Variants in CSMD1 observed in about 807,000 individuals in gnomAD.
CSMD1 encodes CUB and sushi domain-containing protein 1.
CSMD1 carries 213 observed loss-of-function variants against 417.5 expected under a neutral mutation model. The observed-to-expected ratio is 0.51, with a 90% CI of 0.46 to 0.57. The LOEUF (loss-of-function observed/expected upper bound fraction) is 0.57. Among genes scored for constraint, CSMD1 ranks in the 20% least tolerant of loss-of-function variants. The pLI is 0.00. For synonymous variants in CSMD1, 2,862 were observed against 1,736.8 expected (o/e 1.65, Z -16.11); for missense variants, 6,923 against 4,529.7 (o/e 1.53, Z -15.17).
At chr8:3,274,850 A>C (rs1802152728) in intron 26 of CSMD1, among the ~76,000 whole-genome samples, 1 of 152,126 alleles carries the variant, frequency 6.6e-6, no homozygotes, top group African/African-American at 2.4e-5. Context: ...TTTCCTGAAT[A>C]GTGCACACTG....
intron 1 of CSMD1, among the ~76,000 whole-genome samples, chr8:4,661,330 C>G (rs1804594114): frequency 6.6e-6 from 1 of 152,170 alleles, no homozygotes. Flanking sequence ...CTGACTGATA[C>G]ATGCCATATA....
chr8:3,660,100 T>C (rs2117444856), intron 7 of CSMD1, among the ~76,000 whole-genome samples: 1 of 152,340 alleles, frequency 6.6e-6, no homozygotes, highest in South Asian at 2.1e-4. Context: ...TCGTGATGTA[T>C]GTGGCTGACA....
chr8:3,338,904 A>G (rs1372655365), intron 23 of CSMD1, among the ~76,000 whole-genome samples: 1 of 151,158 alleles, frequency 6.6e-6, no homozygotes, highest in East Asian at 2.0e-4. Context: ...TTACATATGT[A>G]TACATGTGCC....
At chr8:4,039,383 G>T (rs1395468249) in intron 3 of CSMD1, among the ~76,000 whole-genome samples, 1 of 152,096 alleles carries the variant, frequency 6.6e-6, no homozygotes, top group Admixed American at 6.5e-5. Context: ...CCTGGCTTTG[G>T]GAAGGATTAG....
At chr8:4,218,661 G>C (rs149250227) in intron 3 of CSMD1, among the ~76,000 whole-genome samples, 367 of 152,276 alleles carry the variant, frequency 2.4e-3, no homozygotes, top group African/African-American at 8.3e-3. Flanking sequence ...TAGTGGGACA[G>C]TGGTTAGGCT....
intron 7 of CSMD1, among the ~76,000 whole-genome samples, chr8:3,640,767 C>G (rs944489572): frequency 9.2e-5 from 14 of 152,152 alleles, no homozygotes; most frequent in African/African-American, 3.4e-4. Context: ...GTGAGACATT[C>G]ACAGCCCCTG....
intron 5 of CSMD1, among the ~76,000 whole-genome samples, chr8:3,961,451 A>C (rs1440036035): frequency 6.6e-6 from 1 of 152,182 alleles, no homozygotes; most frequent in East Asian, 1.9e-4. Flanking sequence ...TTTGACACAG[A>C]TTTAAATTAA....
intron 3 of CSMD1, among the ~76,000 whole-genome samples, chr8:4,387,832 T>C (rs1803558167): frequency 6.6e-6 from 1 of 152,140 alleles, no homozygotes; most frequent in South Asian, 2.1e-4. Context: ...TTTCTTTTCA[T>C]AGCCACAAAT....
chr8:3,777,421 T>C (rs1798951975), intron 5 of CSMD1, among the ~76,000 whole-genome samples: 1 of 152,110 alleles, frequency 6.6e-6, no homozygotes, highest in Non-Finnish European at 1.5e-5. Context: ...ACCTGGGGCA[T>C]CCTGTCAGGC....
At chr8:4,252,713 T>A (rs1803162139) in intron 3 of CSMD1, among the ~76,000 whole-genome samples, 2 of 152,230 alleles carry the variant, frequency 1.3e-5, no homozygotes, top group South Asian at 4.1e-4. Flanking sequence ...TCATTGGTTG[T>A]ATTGGTTGTA....
chr8:4,245,053 T>C (rs1468091024), intron 3 of CSMD1, among the ~76,000 whole-genome samples: 1 of 152,192 alleles, frequency 6.6e-6, no homozygotes, highest in East Asian at 1.9e-4. Flanking sequence ...CATTAGAAAA[T>C]GTGTATTATA....
At chr8:4,022,817 AT>A (rs1796856639) in intron 4 of CSMD1, among the ~76,000 whole-genome samples, 2 of 152,140 alleles carry the variant, frequency 1.3e-5, no homozygotes, top group East Asian at 3.9e-4. Context: ...TAGAGAAACA[AT>A]TCAGTGGTCT....
intron 11 of CSMD1, among the ~76,000 whole-genome samples, chr8:3,481,670 G>A (rs1014856347): frequency 2.6e-5 from 4 of 152,230 alleles, no homozygotes; most frequent in Non-Finnish European, 4.4e-5. Flanking sequence ...ATCCATATAA[G>A]AGAGAGGCAG....
chr8:3,413,166 T>G (rs1279146188), intron 12 of CSMD1, among the ~76,000 whole-genome samples: 2 of 152,246 alleles, frequency 1.3e-5, no homozygotes, highest in Non-Finnish European at 2.9e-5. Flanking sequence ...ATACAATTAT[T>G]ACTATGATTA....
intron 3 of CSMD1, among the ~76,000 whole-genome samples, chr8:4,116,705 C>G (rs1025884379): frequency 1.3e-5 from 2 of 152,152 alleles, no homozygotes; most frequent in East Asian, 3.9e-4. Flanking sequence ...AACAAACGCG[C>G]CATGCAGCAG....
intron 25 of CSMD1, among the ~76,000 whole-genome samples, chr8:3,306,434 A>G (rs1804853010): frequency 6.6e-6 from 1 of 152,094 alleles, no homozygotes. Context: ...TCGGCCTCCC[A>G]AAGTGTTAGG....
intron 3 of CSMD1, among the ~76,000 whole-genome samples, chr8:4,177,290 T>G (rs920411799): frequency 1.3e-5 from 2 of 151,740 alleles, no homozygotes; most frequent in African/African-American, 4.8e-5. Flanking sequence ...TCAAAACCGC[T>G]CAACTACATG....
chr8:4,060,072 G>A (rs1371210488), intron 3 of CSMD1, among the ~76,000 whole-genome samples: 3 of 152,166 alleles, frequency 2.0e-5, no homozygotes, highest in Non-Finnish European at 4.4e-5. Flanking sequence ...GAATCCAGCA[G>A]CACACCAAAA....
At chr8:4,770,394 A>C (rs1388568098) in intron 1 of CSMD1, among the ~76,000 whole-genome samples, 1 of 149,332 alleles carries the variant, frequency 6.7e-6, no homozygotes, top group Non-Finnish European at 1.5e-5. Flanking sequence ...TTAAGCTTTT[A>C]TATATTATAT....
Sources: gnomAD v4.1 joint callset for allele counts (sites outside exome capture counted in the v4.1 genomes callset) on GRCh38, gnomAD v4.1.1 for gene constraint, MANE v1.5 for transcripts, NCBI Gene and HGNC (gene_info 2026-07-23, HGNC 2026-07-21) for gene names.